Variants in BRF1 observed in about 807,000 individuals in gnomAD.
BRF1 encodes transcription factor IIIB 90 kDa subunit.
BRF1 carries 59 observed loss-of-function variants against 81.7 expected under a neutral mutation model. That is an observed-to-expected ratio of 0.72 (90% CI 0.59 to 0.90). The LOEUF is 0.90. BRF1 is among the 40% of genes least tolerant of loss of function. The pLI, the probability that BRF1 is intolerant of heterozygous loss-of-function variation, is 0.00. For missense variants in BRF1, 1,050 were observed against 936.3 expected, an observed-to-expected ratio of 1.12 and a Z score of -1.58; for synonymous variants, 491 against 395.6, an observed-to-expected ratio of 1.24 and a Z score of -2.86.
At chr14:105,221,100 C>T (rs1023168356) in intron 11 of BRF1, among the ~76,000 whole-genome samples, 1 of 152,240 alleles carries the variant, frequency 6.6e-6, no homozygotes, top group Non-Finnish European at 1.5e-5. Context: ...GAGGGTGAAG[C>T]GTTGCAGGAA....
chr14:105,219,371 G>C lies in BRF1; in HGVS notation c.1378-139C>G. ...GCAGCCTCTATTTAGTGCGGAGCCT[G>C]GGCTGAGGCCTCATCGCGCGGGGCG... On this transcript the variant is annotated intron_variant, in intron 12 of 17. Transcript: ENST00000547530. 4.0e-6 allele frequency: 6 copies of C among 1,487,610 alleles called. No individual in the cohort carries two copies. The South Asian group carries it at 7.8e-5, about 19-fold the overall frequency. The allele number at this position is 1,487,610 out of a possible 1,614,324, so 92.2% of individuals were successfully genotyped here. A position where few individuals can be genotyped will look rare whatever the true frequency, so the allele number is the denominator to read the frequency against.
intron 5 of BRF1, 174 bp downstream of exon 5, chr14:105,252,333 G>A: frequency 2.1e-6 from 2 of 973,472 alleles, no homozygotes; most frequent in Non-Finnish European, 2.4e-6. Flanking sequence ...GCGAGACTGT[G>A]TCTTAGAAAA....
intron 10 of BRF1, among the ~76,000 whole-genome samples, chr14:105,225,151 C>G (rs1379234644): frequency 6.6e-6 from 1 of 152,238 alleles, no homozygotes; most frequent in African/African-American, 2.4e-5. Context: ...AGAGTTCGAC[C>G]AGGCTGGGCC....
rs866644626 is a variant in BRF1, at chr14:105,248,137, C to T, written c.544+4370G>A. 42 of 985,476 alleles carry T rather than the reference C, an allele frequency of 4.3e-5. No individual in the cohort carries two copies. The Middle Eastern group carries it at 2.6e-3, about 61-fold the overall frequency. 61.0% of individuals were successfully genotyped at this position (985,476 alleles called of 1,614,324 possible). A position where few individuals can be genotyped will look rare whatever the true frequency, so the allele number is the denominator to read the frequency against. On this transcript the variant is annotated intron_variant, in intron 5 of 17. Coordinates refer to ENST00000547530, the MANE Select transcript of BRF1 (RefSeq NM_001519.4). Reference sequence around the variant, plus strand: ...ATAGCAGCGCCTGCCCCTGTAAAGCCCTCAGAGCAGAGTGGACCGCGCTCT... The same window carrying T: ...ATAGCAGCGCCTGCCCCTGTAAAGCTCTCAGAGCAGAGTGGACCGCGCTCT...
intron 1 of BRF1, among the ~76,000 whole-genome samples, chr14:105,291,017 C>T (rs867303289): frequency 5.3e-5 from 8 of 152,076 alleles, no homozygotes; most frequent in Non-Finnish European, 1.0e-4. Flanking sequence ...TGCCAGGATG[C>T]CCTCTACTTC....
At chr14:105,242,928 C>A (rs928763700) in intron 5 of BRF1, among the ~76,000 whole-genome samples, 1 of 151,660 alleles carries the variant, frequency 6.6e-6, no homozygotes, top group Non-Finnish European at 1.5e-5. Flanking sequence ...CCACCCTGGG[C>A]AACATGGTGA....
chr14:105,282,483 G>A (rs1335385304), intron 2 of BRF1, among the ~76,000 whole-genome samples: 3 of 152,230 alleles, frequency 2.0e-5, no homozygotes, highest in East Asian at 3.8e-4. Context: ...GGTGGCGGGC[G>A]GGAGTGGAGG....
In BRF1 at chr14:105,253,677, G is replaced by A. The variant is rs587767663; in HGVS notation, c.472-1098C>T. ...ATGCCTCTGATCAGGGACCCTGCCCGCTGGGAGGGCTGGGCCCCCACAGCA... is the reference window on the plus strand; with the variant it reads ...ATGCCTCTGATCAGGGACCCTGCCCACTGGGAGGGCTGGGCCCCCACAGCA... On this transcript the variant is annotated intron_variant, in intron 4 of 17. Coordinates refer to ENST00000547530, the MANE Select transcript of BRF1 (RefSeq NM_001519.4). Among the ~76,000 whole-genome samples the A allele has an allele frequency of 1.1e-4, 16 of 152,334 alleles. No individual in the cohort carries two copies. In the South Asian group the frequency reaches 2.3e-3, roughly 22 times the overall value.
chr14:105,211,601 G>A (rs766337525), intron 16 of BRF1: 10 of 419,324 alleles, frequency 2.4e-5, no homozygotes, highest in Admixed American at 4.2e-5. Flanking sequence ...GGCCTCGGCC[G>A]AGGACACTGT....
intron 5 of BRF1, chr14:105,248,445 G>A: frequency 2.0e-6 from 2 of 985,290 alleles, no homozygotes; most frequent in African/African-American, 1.7e-5. Context: ...CGCGCCGGTT[G>A]CTGGGCAGAA....
At chr14:105,241,507 T>G in intron 5 of BRF1, 93 bp from the exon 6 acceptor site, 1 of 1,531,502 alleles carries the variant, frequency 6.5e-7, no homozygotes, top group Non-Finnish European at 8.8e-7. Context: ...CAACCTGCAC[T>G]TGTCTTTCCA....
At chr14:105,223,950 C>T (rs982184074) in intron 10 of BRF1, among the ~76,000 whole-genome samples, 1 of 152,216 alleles carries the variant, frequency 6.6e-6, no homozygotes, top group Non-Finnish European at 1.5e-5. Context: ...TAAACTAACC[C>T]AATAATGCCG....
chr14:105,249,335 T>C (rs2140285703), intron 5 of BRF1: 1 of 1,602,816 alleles, frequency 6.2e-7, no homozygotes, highest in African/African-American at 1.3e-5. Context: ...AGAGCCAGGC[T>C]CACGGCGGCG....
intron 5 of BRF1, among the ~76,000 whole-genome samples, chr14:105,244,495 A>C (rs2054936942): frequency 3.4e-5 from 5 of 147,546 alleles, no homozygotes; most frequent in Admixed American, 3.4e-4. Context: ...CAAATCTGTC[A>C]GTGACTAGGG....
rs1178034167 is a variant in BRF1, at chr14:105,300,635, C to A, written c.-6G>T. 1.5e-6 allele frequency: 2 copies of A among 1,361,088 alleles called. No homozygotes were observed. Among genetic ancestry groups the A allele is most frequent in the Non-Finnish European group, 9.4e-7 (1 of 1,067,652 alleles). The allele number at this position is 1,361,088 out of a possible 1,614,324, so 84.3% of individuals were successfully genotyped here. A position where few individuals can be genotyped will look rare whatever the true frequency, so the allele number is the denominator to read the frequency against. ...CGGCACACGCGGCCCGTCATGCCGG[C>A]GACCGCGCGGGCAGCGCCCGGAGCC... On this transcript the variant is annotated 5_prime_UTR_variant, in exon 1 of 18. Coordinates refer to ENST00000547530, the MANE Select transcript of BRF1 (RefSeq NM_001519.4).
At chr14:105,229,060 G>A (rs1393200676) in intron 6 of BRF1, 147 bp from the exon 7 acceptor site, 29 of 732,646 alleles carry the variant, frequency 4.0e-5, no homozygotes, top group South Asian at 1.5e-5. Context: ...CCCTCACTTG[G>A]CATGGCTACT....
chr14:105,248,155 C>A, intron 5 of BRF1: 1 of 985,464 alleles, frequency 1.0e-6, no homozygotes, highest in South Asian at 4.7e-5. Context: ...CAGAGTGGAC[C>A]GCGCTCTCTG....
At position 105,209,620 on chromosome 14, in the gene BRF1, C is replaced by A. The variant is rs1193042835; in HGVS notation, c.*931G>T. 4.3e-6 allele frequency: 3 copies of A among 697,128 alleles called. No individual in the cohort carries two copies. In the Admixed American group the frequency reaches 6.1e-5, roughly 14 times the overall value. 43.2% of individuals were successfully genotyped at this position (697,128 alleles called of 1,614,324 possible). On this transcript the variant is annotated 3_prime_UTR_variant, in exon 18 of 18. Transcript: ENST00000547530. ...CTTCCCACGAAGAGGCCTGGGGAGG[C>A]TCTCGGGCCTCCGTCTGCCCTCCCT...
intron 1 of BRF1, among the ~76,000 whole-genome samples, chr14:105,292,056 T>A (rs1423379235): frequency 6.6e-6 from 1 of 152,162 alleles, no homozygotes; most frequent in Admixed American, 6.5e-5. Context: ...AGGGGCACCA[T>A]CACGGCTCAC....
Sources: gnomAD v4.1 joint callset for allele counts (sites outside exome capture counted in the v4.1 genomes callset) on GRCh38, gnomAD v4.1.1 for gene constraint, MANE v1.5 for transcripts, NCBI Gene and HGNC (gene_info 2026-07-23, HGNC 2026-07-21) for gene names.